Variants in OSBP2 observed in about 807,000 individuals in gnomAD.
The protein encoded by OSBP2 is oxysterol-binding protein 2.
In OSBP2, 66 loss-of-function variants were observed where a neutral mutation model predicts 96.0. The observed-to-expected ratio is 0.69, with a 90% CI of 0.56 to 0.84. The LOEUF (loss-of-function observed/expected upper bound fraction) is 0.84. Among genes scored for constraint, OSBP2 ranks in the 40% least tolerant of loss-of-function variants. The pLI, the probability that OSBP2 is intolerant of heterozygous loss-of-function variation, is 0.00. For missense variants in OSBP2, 1,038 were observed against 1,222.7 expected, an observed-to-expected ratio of 0.85 and a Z score of 2.25; for synonymous variants, 525 against 520.9, an observed-to-expected ratio of 1.01 and a Z score of -0.11.
At chr22:30,741,055 C>T in intron 1 of OSBP2, 106 bp from the exon 2 acceptor site, 1 of 897,248 alleles carries the variant, frequency 1.1e-6, no homozygotes. Flanking sequence ...AGGGCCTCTC[C>T]CAGCTCTGAG....
chr22:30,807,718 C>T (rs2145851687), intron 2 of OSBP2, among the ~76,000 whole-genome samples: 1 of 152,322 alleles, frequency 6.6e-6, no homozygotes, highest in African/African-American at 2.4e-5. Flanking sequence ...CCCTGAGCTT[C>T]CTGAGTTTTC....
intron 2 of OSBP2, among the ~76,000 whole-genome samples, chr22:30,831,167 C>T (rs141176382): frequency 3.9e-5 from 6 of 152,282 alleles, no homozygotes; most frequent in East Asian, 1.9e-4. Flanking sequence ...TTGGCAAGAA[C>T]GTTCTGGTTC....
intron 1 of OSBP2, among the ~76,000 whole-genome samples, chr22:30,725,069 G>A (rs180740008): frequency 0.016 from 2,464 of 151,766 alleles, 49 homozygotes; most frequent in African/African-American, 0.048. Context: ...CCAGCTACTC[G>A]GGAGGCTGAG....
At chr22:30,901,580 T>TTCCACCAGGCGTGGTGGCTCACGCCTG (rs2040195679) in intron 12 of OSBP2, among the ~76,000 whole-genome samples, 1 of 152,088 alleles carries the variant, frequency 6.6e-6, no homozygotes, top group Non-Finnish European at 1.5e-5. Flanking sequence ...CAGTTTGGCT[T>TTCCACCAGGCGTGGTGGCTCACGCCTG]TCCACCAGGC....
Position 30,887,762 on chromosome 22 carries a change from G to A in OSBP2, c.1300+144G>A, listed in dbSNP as rs904707195. On this transcript the variant is annotated intron_variant, in intron 4 of 13. Coordinates refer to ENST00000332585, the MANE Select transcript of OSBP2 (RefSeq NM_030758.4). Reference sequence around the variant, plus strand: ...GCCAACTCTTGACTGCCTCTTCGTGGTTTTGTATCTCCCATGTCCATCACC... The same window carrying A: ...GCCAACTCTTGACTGCCTCTTCGTGATTTTGTATCTCCCATGTCCATCACC... The A allele has an allele frequency of 4.6e-6, 3 of 655,880 alleles. No individual in the cohort carries two copies. In the African/African-American group the frequency reaches 5.4e-5, roughly 12 times the overall value. 40.6% of individuals were successfully genotyped at this position (655,880 alleles called of 1,614,324 possible).
chr22:30,741,479 C>G, intron 2 of OSBP2, 110 bp downstream of exon 2: 1 of 850,796 alleles, frequency 1.2e-6, no homozygotes, highest in Middle Eastern at 3.5e-4. Flanking sequence ...CCCAGGCCAG[C>G]GTGGATCAAT....
intron 3 of OSBP2, among the ~76,000 whole-genome samples, chr22:30,876,335 C>T (rs534203714): frequency 1.3e-5 from 2 of 152,334 alleles, no homozygotes; most frequent in African/African-American, 4.8e-5. Flanking sequence ...GACAGTTCTC[C>T]AGTCATGGTG....
At chr22:30,783,541 C>T (rs549588018) in intron 2 of OSBP2, among the ~76,000 whole-genome samples, 8 of 152,004 alleles carry the variant, frequency 5.3e-5, no homozygotes, top group African/African-American at 1.9e-4. Flanking sequence ...AGGCTGGTCT[C>T]GAATTCCTGA....
At chr22:30,790,653 T>TA (rs136297) in intron 2 of OSBP2, among the ~76,000 whole-genome samples, 18,569 of 136,902 alleles carry the variant, frequency 0.14, 1,353 homozygotes, top group African/African-American at 0.19. Flanking sequence ...CAAACTGCAT[T>TA]AAAAAAAAAA....
chr22:30,706,593 T>A (rs1569090133), intron 1 of OSBP2, among the ~76,000 whole-genome samples: 1 of 152,124 alleles, frequency 6.6e-6, no homozygotes, highest in African/African-American at 2.4e-5. Context: ...CCTAATACAG[T>A]GTGTGGTTTC....
At chr22:30,892,623 G>A (rs2039973537) in intron 8 of OSBP2, among the ~76,000 whole-genome samples, 1 of 152,132 alleles carries the variant, frequency 6.6e-6, no homozygotes, top group Admixed American at 6.5e-5. Context: ...GCCGGGCCCG[G>A]GGCAGTGCAT....
intron 2 of OSBP2, among the ~76,000 whole-genome samples, chr22:30,772,397 A>G (rs1303245813): frequency 7.2e-5 from 11 of 152,196 alleles, no homozygotes; most frequent in Non-Finnish European, 5.9e-5. Flanking sequence ...TGCAGCCACA[A>G]ATGAGCCCAT....
intron 2 of OSBP2, among the ~76,000 whole-genome samples, chr22:30,785,465 G>T (rs962125681): frequency 6.6e-6 from 1 of 151,482 alleles, no homozygotes; most frequent in Admixed American, 6.6e-5. Context: ...TACTCAGGAA[G>T]CTGAGGAAAG....
intron 2 of OSBP2, among the ~76,000 whole-genome samples, chr22:30,848,576 C>T (rs1269177342): frequency 6.6e-6 from 1 of 152,148 alleles, no homozygotes; most frequent in Non-Finnish European, 1.5e-5. Flanking sequence ...TTTTCTCATA[C>T]CTCTTTGCAG....
intron 12 of OSBP2, among the ~76,000 whole-genome samples, chr22:30,900,246 C>A: frequency 6.7e-6 from 1 of 149,168 alleles, no homozygotes; most frequent in Non-Finnish European, 1.5e-5. Context: ...AAGAGCGAAA[C>A]TCCATCTCAA....
chr22:30,711,936 G>T (rs1357044104), intron 1 of OSBP2, among the ~76,000 whole-genome samples: 3 of 151,972 alleles, frequency 2.0e-5, no homozygotes, highest in Admixed American at 1.3e-4. Flanking sequence ...GAAAGACTTT[G>T]TCACTTTATT....
chr22:30,836,194 TAGTACCAC>T (rs1357031181), intron 2 of OSBP2, among the ~76,000 whole-genome samples: 1 of 152,228 alleles, frequency 6.6e-6, no homozygotes, highest in Non-Finnish European at 1.5e-5. Context: ...TCCCCTGCTT[TAGTACCAC>T]AGTACCTTAA....
chr22:30,841,105 C>T (rs2038744544), intron 2 of OSBP2, among the ~76,000 whole-genome samples: 1 of 151,994 alleles, frequency 6.6e-6, no homozygotes, highest in African/African-American at 2.4e-5. Context: ...GCGGAGGCTG[C>T]AGTGAGCTGA....
chr22:30,742,248 T>C (rs1276129650), intron 2 of OSBP2, among the ~76,000 whole-genome samples: 1 of 151,826 alleles, frequency 6.6e-6, no homozygotes, highest in Non-Finnish European at 1.5e-5. Context: ...CTAGCCAACA[T>C]GGTGAAAACC....
Sources: gnomAD v4.1 joint callset for allele counts (sites outside exome capture counted in the v4.1 genomes callset) on GRCh38, gnomAD v4.1.1 for gene constraint, MANE v1.5 for transcripts, NCBI Gene and HGNC (gene_info 2026-07-23, HGNC 2026-07-21) for gene names.